DZANK1: variants seen among roughly 807,000 people sequenced by gnomAD.
The protein encoded by DZANK1 is double zinc ribbon and ankyrin repeat-containing protein 1.
A neutral mutation model predicts 94.5 loss-of-function variants in DZANK1; 91 were observed. The observed-to-expected ratio is 0.96, with a 90% confidence interval of 0.81 to 1.15. The LOEUF is 1.15. DZANK1 is among the 50% of genes most tolerant of loss of function. The pLI is 0.00. For synonymous variants in DZANK1, 312 were observed against 325.3 expected (o/e 0.96, Z 0.44); for missense variants, 903 against 916.4 (o/e 0.99, Z 0.19).
At chr20:18,455,007 CT>C (rs1422216902) in intron 4 of DZANK1, among the ~76,000 whole-genome samples, 2 of 152,192 alleles carry the variant, frequency 1.3e-5, no homozygotes, top group African/African-American at 4.8e-5. Flanking sequence ...GAGAGAGCCA[CT>C]GAAGACACTG....
intron 9 of DZANK1, among the ~76,000 whole-genome samples, chr20:18,427,684 T>C (rs1283319985): frequency 6.6e-6 from 1 of 152,076 alleles, no homozygotes; most frequent in Non-Finnish European, 1.5e-5. Context: ...TTCCATTTCA[T>C]GGCTTAAACA....
At chr20:18,429,735 C>T (rs555070585) in intron 9 of DZANK1, among the ~76,000 whole-genome samples, 29 of 152,172 alleles carry the variant, frequency 1.9e-4, no homozygotes, top group Admixed American at 5.9e-4. Flanking sequence ...GTCTATTAAA[C>T]GTAGTTTTCT....
intron 13 of DZANK1, among the ~76,000 whole-genome samples, chr20:18,409,498 T>C (rs2057126646): frequency 6.6e-6 from 1 of 151,576 alleles, no homozygotes; most frequent in Non-Finnish European, 1.5e-5. Context: ...CTTATAAGAA[T>C]ACTTATGAAG....
At chr20:18,455,143 G>C in intron 4 of DZANK1, 104 bp downstream of exon 4, 1 of 773,366 alleles carries the variant, frequency 1.3e-6, no homozygotes, top group African/African-American at 1.8e-5. Flanking sequence ...ATAAGGACCT[G>C]ACTGTGAGCA....
At chr20:18,427,348 T>G (rs927747498) in intron 9 of DZANK1, among the ~76,000 whole-genome samples, 189 bp from the exon 10 acceptor site, 2 of 151,994 alleles carry the variant, frequency 1.3e-5, no homozygotes. Context: ...TTTTTGGGTT[T>G]TTTTTTTTCC....
exon 21 of DZANK1, chr20:18,383,454 T>TA (rs1184329865): frequency 1.3e-5 from 2 of 152,064 alleles, no homozygotes; most frequent in Non-Finnish European, 2.9e-5. Flanking sequence ...GATTTCAACA[T>TA]AAAAAAATTT....
chr20:18,466,211 T>A (rs1438876911), intron 1 of DZANK1, among the ~76,000 whole-genome samples: 1 of 152,270 alleles, frequency 6.6e-6, no homozygotes, highest in South Asian at 2.1e-4. Flanking sequence ...TGCCCAATTA[T>A]AATCTACATA....
chr20:18,449,207 A>G, intron 6 of DZANK1, 138 bp from the exon 7 acceptor site: 1 of 694,740 alleles, frequency 1.4e-6, no homozygotes, highest in South Asian at 1.9e-5. Context: ...AATAGACACT[A>G]TAGACTCTAA....
At chr20:18,433,403 G>A (rs755363076) in intron 9 of DZANK1, 7 of 413,162 alleles carry the variant, frequency 1.7e-5, no homozygotes, top group East Asian at 5.4e-5. Context: ...TTAGCCATGC[G>A]TGGTGGTGCA....
intron 6 of DZANK1, among the ~76,000 whole-genome samples, chr20:18,452,293 C>T (rs6111969): frequency 1.5e-4 from 23 of 152,290 alleles, no homozygotes; most frequent in South Asian, 6.2e-4. Flanking sequence ...TAAGTTCCCA[C>T]GTGATGCTGA....
intron 3 of DZANK1, among the ~76,000 whole-genome samples, chr20:18,455,920 A>G (rs1380489976): frequency 6.6e-6 from 1 of 152,170 alleles, no homozygotes; most frequent in Admixed American, 6.5e-5. Context: ...TTTTTGTCCC[A>G]AGAAACCAAA....
At chr20:18,446,271 A>G (rs1205707476) in intron 7 of DZANK1, among the ~76,000 whole-genome samples, 1 of 152,026 alleles carries the variant, frequency 6.6e-6, no homozygotes, top group Non-Finnish European at 1.5e-5. Flanking sequence ...GAAAGGAAGG[A>G]AGGAAAGAAG....
intron 10 of DZANK1, chr20:18,420,924 G>A (rs2057748393): frequency 6.5e-6 from 1 of 154,572 alleles, no homozygotes; most frequent in Non-Finnish European, 1.5e-5. Flanking sequence ...CCACAAAGAT[G>A]TTACTGAAAT....
intron 4 of DZANK1, chr20:18,454,049 G>A (rs1568544684): frequency 1.6e-6 from 1 of 642,306 alleles, no homozygotes. Context: ...CTCACCAGGT[G>A]AAGTGGCCAA....
At position 18,440,060 on chromosome 20, in the gene DZANK1, G is replaced by GGGTTGTGTACCC. The variant is rs879675217; in HGVS notation, c.747+3286_747+3287insGGGTACACAACC. Among the ~76,000 whole-genome samples the GGGTTGTGTACCC allele has an allele frequency of 7.2e-5, 11 of 152,302 alleles. No homozygotes were observed. The East Asian group carries it at 2.1e-3, about 29-fold the overall frequency. On this transcript the variant is annotated intron_variant, in intron 8 of 20. Coordinates refer to ENST00000262547, the Ensembl canonical transcript of DZANK1. ...AAGAGACACCAGGGTTGTGTACCCA[G>GGGTTGTGTACCC]AGGAAAGGCCAAGTAAGGACACATC...
intron 16 of DZANK1, 83 bp from the exon 17 acceptor site, chr20:18,393,894 TC>T (rs2056168431): frequency 1.0e-6 from 1 of 956,504 alleles, no homozygotes. Context: ...TCCACGTCCC[TC>T]AAAAGTCAGA....
In DZANK1 at chr20:18,396,032, C is replaced by T. The variant is rs117971284; in HGVS notation, c.1611+440G>A. Among the ~76,000 whole-genome samples, 60 of 152,310 alleles carry T rather than the reference C, an allele frequency of 3.9e-4. No individual in the cohort carries two copies. In the East Asian group the frequency reaches 0.011, roughly 27 times the overall value. On this transcript the variant is annotated intron_variant, in intron 15 of 20. Coordinates refer to ENST00000262547, the Ensembl canonical transcript of DZANK1. ...TTTTTGTCCAGTGAAACTAAAGCTG[C>T]TAATGTCAATCAATTAATGTTTGAA...
exon 12 of DZANK1, chr20:18,414,460 T>G (rs2057394719): frequency 6.2e-7 from 1 of 1,613,646 alleles, no homozygotes; most frequent in South Asian, 1.1e-5. Context: ...GGCAGACAGG[T>G]GATTGCTGGC....
chr20:18,412,808 C>T lies in DZANK1; in HGVS notation c.1270G>A (p.Asp424Asn). 6.2e-7 allele frequency: 1 copy of T among 1,613,962 alleles called. No homozygotes were observed. The highest frequency in any genetic ancestry group is 8.5e-7 in the Non-Finnish European group (1 of 1,179,862). ...CCTATGTCCCTCTTAGTCCCAACAT[C>T]AGATCTGGGCAAAGGAATATTCAGG... The change falls in exon 13 of 21, where the codon GAT (aspartate) becomes AAT (asparagine). Residue 424 changes from aspartate (D) to asparagine (N), a missense_variant. Asp to Asn is a conservative substitution (Grantham distance 23). Coordinates refer to ENST00000262547, the Ensembl canonical transcript of DZANK1.
Sources: allele counts gnomAD v4.1 joint callset (sites outside exome capture counted in the v4.1 genomes callset), GRCh38; gene constraint gnomAD v4.1.1; transcripts MANE v1.5; gene names NCBI Gene and HGNC (gene_info 2026-07-23, HGNC 2026-07-21).